The following LHX5 variants were observed in gnomAD, a reference collection of about 807,000 sequenced individuals.
LHX5 encodes the protein LIM/homeobox protein Lhx5.
In LHX5, 5 loss-of-function variants were observed where a neutral mutation model predicts 30.6. The observed-to-expected ratio is 0.16, with a 90% CI of 0.09 to 0.34. LHX5 has a LOEUF of 0.34. LHX5 is among the 10% of genes least tolerant of loss of function. LHX5 has a pLI of 1.00. For missense variants in LHX5, 458 were observed against 570.6 expected, an observed-to-expected ratio of 0.80 and a Z score of 2.01; for synonymous variants, 266 against 252.6, an observed-to-expected ratio of 1.05 and a Z score of -0.50.
rs1310259519 is a variant in LHX5 at position 113,464,383 on chromosome 12, A to G, written c.842-826T>C. On this transcript the variant is annotated intron_variant, in intron 4 of 4. Coordinates refer to ENST00000261731, the MANE Select transcript of LHX5 (RefSeq NM_022363.3). This position sits in a 1 kb window ranked among gnomAD's most constrained non-coding sequence, Gnocchi z 6.2. ...AAGCGACCTGGCCGGGGGAAACTGG[A>G]TCCGGGCCGCGGCAGGAGCGACTGG... is the stretch of plus-strand genomic sequence containing the variant. 6.6e-6 allele frequency among the ~76,000 whole-genome samples: 1 copy of G among 151,906 alleles called. No individual in the cohort carries two copies. Among genetic ancestry groups the G allele is most frequent in the Non-Finnish European group, 1.5e-5 (1 of 67,978 alleles).
In LHX5 at chr12:113,463,199, G is replaced by C; in HGVS notation, c.1200C>G (p.Ala400=). 4 of 1,516,368 alleles carry C rather than the reference G, an allele frequency of 2.6e-6. No homozygotes were observed. The highest frequency in any genetic ancestry group is 2.6e-6 in the Non-Finnish European group (3 of 1,138,538). The allele number at this position is 1,516,368 out of a possible 1,614,324, so 93.9% of individuals were successfully genotyped here. A position where few individuals can be genotyped will look rare whatever the true frequency, so the allele number is the denominator to read the frequency against. The stretch of plus-strand genomic sequence containing the variant: ...GGGCGGCCCGGCGGCCTTACCACAC[G>C]GCGGCTTCGTTGAGCTCGGGGTTGG... ...SHPNPELNEA[A]VW Residue 400 remains alanine (A), a synonymous_variant, in exon 5 of 5, where the codon GCC becomes GCG. Transcript: ENST00000261731. This position sits in a 1 kb window ranked among gnomAD's most constrained non-coding sequence, Gnocchi z 6.7.
rs1317711281 is a variant in LHX5 at position 113,469,234 on chromosome 12, A to G, written c.285T>C (p.Cys95=). ...FHLNCFTCMV[C]NKQLSTGEEL... ...CCTCGCCGGTGGACAGCTGCTTGTT[A>G]CACACCATGCAGGTGAAACAGTTGA... Residue 95 remains cysteine (C), a synonymous_variant, in exon 2 of 5, where the codon TGT becomes TGC. Coordinates refer to ENST00000261731, the MANE Select transcript of LHX5 (RefSeq NM_022363.3). The G allele has an allele frequency of 6.2e-7, 1 of 1,614,076 alleles. No homozygotes were observed. The highest frequency in any genetic ancestry group is 8.5e-7 in the Non-Finnish European group (1 of 1,180,018).
At position 113,463,548 on chromosome 12, in the gene LHX5, C is replaced by T. The variant is rs1466094197; in HGVS notation, c.851G>A (p.Gly284Asp). Residue 284 changes from glycine (G) to aspartate (D), a missense_variant, in exon 5 of 5, where the codon GGC becomes GAC. By Grantham distance (94) the Gly-to-Asp change is moderately conservative. This residue lies in a region of LHX5 where 255 missense variants were observed against 246.8 expected (regional missense o/e 1.03). Transcript: ENST00000261731. This position sits in a 1 kb window ranked among gnomAD's most constrained non-coding sequence, Gnocchi z 6.7. Reference sequence around the variant, plus strand: ...GTTGCTTCCCGGCGCGTAGTAGTCGCCTTGGTAGTCTGCGGAGGGGGAGCG... The same window carrying T: ...GTTGCTTCCCGGCGCGTAGTAGTCGTCTTGGTAGTCTGCGGAGGGGGAGCG... Reference protein sequence around the residue: ...TPYTYYGDYQGDYYAPGSNYD... With the variant: ...TPYTYYGDYQDDYYAPGSNYD... The T allele has an allele frequency of 6.5e-7, 1 of 1,542,090 alleles. No homozygotes were observed. Among genetic ancestry groups the T allele is most frequent in the Admixed American group, 1.9e-5 (1 of 51,934 alleles).
Position 113,467,541 on chromosome 12 carries a change from C to G in LHX5, c.676-120G>C. ...TGCGCCTCTTCCGCACCAGGACTCC[C>G]CCGAGGCGGGGCCGGGCCGGATTAG... On this transcript the variant is annotated intron_variant, in intron 3 of 4. Coordinates refer to ENST00000261731, the MANE Select transcript of LHX5 (RefSeq NM_022363.3). The surrounding 1 kb of genome is among the most constrained non-coding windows in gnomAD (Gnocchi z 6.3). 1.0e-6 allele frequency: 1 copy of G among 986,780 alleles called. No homozygotes were observed. The highest frequency in any genetic ancestry group is 3.1e-5 in the East Asian group (1 of 32,362). 61.1% of individuals were successfully genotyped at this position (986,780 alleles called of 1,614,324 possible).
At position 113,467,198 on chromosome 12, in the gene LHX5, G is replaced by A. The variant is rs968434687; in HGVS notation, c.841+58C>T. The stretch of plus-strand genomic sequence containing the variant: ...GAAAGCGTGCTGGCCGGGACCCTTC[G>A]CCCTCAGCTCCCGGAATAGGACAGG... On this transcript the variant is annotated intron_variant, in intron 4 of 4. Transcript: ENST00000261731. This position sits in a 1 kb window ranked among gnomAD's most constrained non-coding sequence, Gnocchi z 6.3. The A allele has an allele frequency of 7.3e-7, 1 of 1,378,116 alleles. No homozygotes were observed. The highest frequency in any genetic ancestry group is 1.5e-5 in the African/African-American group (1 of 68,032). The allele number at this position is 1,378,116 out of a possible 1,614,324, so 85.4% of individuals were successfully genotyped here.
intron 1 of LHX5, among the ~76,000 whole-genome samples, chr12:113,470,596 G>C (rs932525604): frequency 3.3e-5 from 5 of 152,198 alleles, no homozygotes; most frequent in African/African-American, 1.2e-4. Context: ...GTGCCCAGAG[G>C]AAACAGGTAG....
rs976851222 is a variant in LHX5 at position 113,467,916 on chromosome 12, A to G, written c.675+211T>C. On this transcript the variant is annotated intron_variant, in intron 3 of 4. Coordinates refer to ENST00000261731, the MANE Select transcript of LHX5 (RefSeq NM_022363.3). This position sits in a 1 kb window ranked among gnomAD's most constrained non-coding sequence, Gnocchi z 6.3. ...CAGAGAGGTAAAGTGACCCGCCCCC[A>G]AATCGCAATACCAGGAGGACAGCAG... Among the ~76,000 whole-genome samples the G allele has an allele frequency of 5.9e-5, 9 of 152,232 alleles. No individual in the cohort carries two copies. Among genetic ancestry groups the G allele is most frequent in the African/African-American group, 2.2e-4 (9 of 41,466 alleles).
rs13378000 is a variant in LHX5, at chr12:113,466,571, C to T, written c.841+685G>A. 0.01 allele frequency among the ~76,000 whole-genome samples: 1,529 copies of T among 152,312 alleles called. 23 individuals carry two copies. The highest frequency in any genetic ancestry group is 0.033 in the African/African-American group (1,352 of 41,568). ...CAGTCTGTAGGAACCCCAGGGGTCTCGGGGCTGGAGGGTGGACTACAGTCC... is the reference window on the plus strand; with the variant it reads ...CAGTCTGTAGGAACCCCAGGGGTCTTGGGGCTGGAGGGTGGACTACAGTCC... On this transcript the variant is annotated intron_variant, in intron 4 of 4. Coordinates refer to ENST00000261731, the MANE Select transcript of LHX5 (RefSeq NM_022363.3). The surrounding 1 kb of genome is among the most constrained non-coding windows in gnomAD (Gnocchi z 6.5).
Position 113,468,078 on chromosome 12 carries a change from G to A in LHX5, c.675+49C>T, listed in dbSNP as rs1220424825. The A allele has an allele frequency of 1.2e-5, 18 of 1,462,956 alleles. No individual in the cohort carries two copies. In the South Asian group the frequency reaches 2.2e-4, roughly 18 times the overall value. The allele number at this position is 1,462,956 out of a possible 1,614,324, so 90.6% of individuals were successfully genotyped here. ...GGCGGGAGACTCCTCCGAGGCTCCC[G>A]GCTCCCAGGCCAGCGGGGCTAAGGA... On this transcript the variant is annotated intron_variant, in intron 3 of 4. Transcript: ENST00000261731.
rs1321850220 is a variant in LHX5, at chr12:113,463,745, G to A, written c.842-188C>T. On this transcript the variant is annotated intron_variant, in intron 4 of 4. Coordinates refer to ENST00000261731, the MANE Select transcript of LHX5 (RefSeq NM_022363.3). This position sits in a 1 kb window ranked among gnomAD's most constrained non-coding sequence, Gnocchi z 6.7. ...TGGACGTCGCAGGCTCACGGGGAGG[G>A]TTGGGGAGAGAGACAATGAGAGATC... 6.6e-6 allele frequency among the ~76,000 whole-genome samples: 1 copy of A among 152,156 alleles called. No homozygotes were observed. Among genetic ancestry groups the A allele is most frequent in the Non-Finnish European group, 1.5e-5 (1 of 68,016 alleles).
chr12:113,468,995 C>T, intron 2 of LHX5, 127 bp downstream of exon 2: 1 of 708,138 alleles, frequency 1.4e-6, no homozygotes. Context: ...TGCCCTAGAA[C>T]TGCCTGGGGC....
Position 113,471,308 on chromosome 12 carries a change from A to G in LHX5, c.173+18T>C, listed in dbSNP as rs1246418651. The stretch of plus-strand genomic sequence containing the variant: ...CGCAGGGTGGGCGCGCAGGCAGCAG[A>G]GCGGCGCGGCCTCTTACCTGAAAAA... On this transcript the variant is annotated intron_variant, in intron 1 of 4. Transcript: ENST00000261731. 6.2e-7 allele frequency: 1 copy of G among 1,612,206 alleles called. No homozygotes were observed. The highest frequency in any genetic ancestry group is 2.2e-5 in the East Asian group (1 of 44,862).
chr12:113,463,023 C>A lies in LHX5; in HGVS notation c.*167G>T, dbSNP rs182980779. The A allele has an allele frequency of 1.1e-5, 7 of 614,378 alleles. No individual in the cohort carries two copies. The highest frequency in any genetic ancestry group is 3.5e-5 in the East Asian group (1 of 28,884). 38.1% of individuals were successfully genotyped at this position (614,378 alleles called of 1,614,324 possible). ...GGGGTGGAGATGGGGGTCGGCCCCC[C>A]CTCGGCGCCCAGCCGAGGAGCAGCT... On this transcript the variant is annotated 3_prime_UTR_variant, in exon 5 of 5. Coordinates refer to ENST00000261731, the MANE Select transcript of LHX5 (RefSeq NM_022363.3). This position sits in a 1 kb window ranked among gnomAD's most constrained non-coding sequence, Gnocchi z 6.7.
chr12:113,467,474 C>G lies in LHX5; in HGVS notation c.676-53G>C, dbSNP rs762518627. The G allele has an allele frequency of 4.1e-4, 563 of 1,371,720 alleles. No individual in the cohort carries two copies. The East Asian group carries it at 7.2e-3, about 18-fold the overall frequency. The allele number at this position is 1,371,720 out of a possible 1,614,324, so 85.0% of individuals were successfully genotyped here. A position where few individuals can be genotyped will look rare whatever the true frequency, so the allele number is the denominator to read the frequency against. ...CAGGATCAGGAGTGTCCTCTCCCCC[C>G]CTCTTCTCCCTTCCCTGACTGGGCT... On this transcript the variant is annotated intron_variant, in intron 3 of 4. Coordinates refer to ENST00000261731, the MANE Select transcript of LHX5 (RefSeq NM_022363.3). This position sits in a 1 kb window ranked among gnomAD's most constrained non-coding sequence, Gnocchi z 6.3.
rs1958219038 is a variant in LHX5, at chr12:113,467,029, G to T, written c.841+227C>A. 6.6e-6 allele frequency among the ~76,000 whole-genome samples: 1 copy of T among 151,910 alleles called. No homozygotes were observed. Among genetic ancestry groups the T allele is most frequent in the African/African-American group, 2.4e-5 (1 of 41,324 alleles). On this transcript the variant is annotated intron_variant, in intron 4 of 4. Coordinates refer to ENST00000261731, the MANE Select transcript of LHX5 (RefSeq NM_022363.3). The surrounding 1 kb of genome is among the most constrained non-coding windows in gnomAD (Gnocchi z 6.3). ...CACCTTGTGCCCTGCGTGGGTGAATGTGTCACTGTATCTCGTGTGTGCTTC... is the reference window on the plus strand; with the variant it reads ...CACCTTGTGCCCTGCGTGGGTGAATTTGTCACTGTATCTCGTGTGTGCTTC...
chr12:113,471,188 G>T, intron 1 of LHX5, 138 bp downstream of exon 1: 1 of 884,308 alleles, frequency 1.1e-6, no homozygotes, highest in Non-Finnish European at 1.7e-6. Flanking sequence ...CAGGAGGAGA[G>T]CAAAGTGCTG....
intron 3 of LHX5, 43 bp downstream of exon 3, chr12:113,468,084 C>T: frequency 1.4e-6 from 2 of 1,470,206 alleles, no homozygotes; most frequent in Non-Finnish European, 1.8e-6. Context: ...TCCCGGCTCC[C>T]AGGCCAGCGG....
In LHX5 at chr12:113,463,202, G is replaced by A. The variant is rs1214926179; in HGVS notation, c.1197C>T (p.Ala399=). 2 of 1,517,570 alleles carry A rather than the reference G, an allele frequency of 1.3e-6. No individual in the cohort carries two copies. Among genetic ancestry groups the A allele is most frequent in the Admixed American group, 2.0e-5 (1 of 48,818 alleles). The allele number at this position is 1,517,570 out of a possible 1,614,324, so 94.0% of individuals were successfully genotyped here. A position where few individuals can be genotyped will look rare whatever the true frequency, so the allele number is the denominator to read the frequency against. The part of the protein sequence containing the change: ...LSHPNPELNE[A]AVW ...CGGCCCGGCGGCCTTACCACACGGC[G>A]GCTTCGTTGAGCTCGGGGTTGGGAT... Residue 399 remains alanine, a synonymous_variant, in exon 5 of 5, where the codon GCC becomes GCT. Coordinates refer to ENST00000261731, the MANE Select transcript of LHX5 (RefSeq NM_022363.3). This position sits in a 1 kb window ranked among gnomAD's most constrained non-coding sequence, Gnocchi z 6.7.
rs764886449 is a variant in LHX5 at position 113,467,434 on chromosome 12, AGG to A, written c.676-15_676-14del. The A allele has an allele frequency of 3.3e-6, 5 of 1,511,938 alleles. No homozygotes were observed. Among genetic ancestry groups the A allele is most frequent in the African/African-American group, 1.4e-5 (1 of 71,720 alleles). 93.7% of individuals were successfully genotyped at this position (1,511,938 alleles called of 1,614,324 possible). ...TCTGAAACCACACCTGGGACAGAGG[AGG>A]GGGCTGTGAACCCAGGATCAGGAGT... On this transcript the variant is annotated splice_polypyrimidine_tract_variant and intron_variant, in intron 3 of 4. Coordinates refer to ENST00000261731, the MANE Select transcript of LHX5 (RefSeq NM_022363.3). The surrounding 1 kb of genome is among the most constrained non-coding windows in gnomAD (Gnocchi z 6.3).
Sources: allele counts gnomAD v4.1 joint callset (sites outside exome capture counted in the v4.1 genomes callset), GRCh38; gene constraint gnomAD v4.1.1; regional missense constraint gnomAD v4.1.1; non-coding constraint Gnocchi (gnomAD v3.1); transcripts MANE v1.5; gene names NCBI Gene and HGNC (gene_info 2026-07-23, HGNC 2026-07-21).